JAG2: variants seen among roughly 807,000 people sequenced by gnomAD.
The protein encoded by JAG2 is protein jagged-2.
In JAG2, 46 loss-of-function variants were observed where a neutral mutation model predicts 141.7. The ratio of observed to expected loss-of-function variants is 0.32; its 90% CI spans 0.26 to 0.42. The LOEUF is 0.42. JAG2 is among the 10% of genes least tolerant of loss of function. The pLI is 1.00. For synonymous variants in JAG2, 862 were observed against 763.5 expected (o/e 1.13, Z -2.13); for missense variants, 1,500 against 1,817.5 (o/e 0.83, Z 3.18).
chr14:105,167,714 G>A lies in JAG2; in HGVS notation c.417+43C>T, dbSNP rs1438439243. 2.9e-6 allele frequency: 4 copies of A among 1,393,336 alleles called. No individual in the cohort carries two copies. Among genetic ancestry groups the A allele is most frequent in the African/African-American group, 1.5e-5 (1 of 66,154 alleles). The allele number at this position is 1,393,336 out of a possible 1,614,324, so 86.3% of individuals were successfully genotyped here. A position where few individuals can be genotyped will look rare whatever the true frequency, so the allele number is the denominator to read the frequency against. ...GAAGCGCGCGGGGCCGGGGCGCGGA[G>A]AGAGAGGGAAGGGCTGGAGCACGAG... On this transcript the variant is annotated intron_variant, in intron 2 of 25. Transcript: ENST00000331782. The surrounding 1 kb of genome is among the most constrained non-coding windows in gnomAD (Gnocchi z 4.8).
At chr14:105,151,167 C>A in intron 9 of JAG2, 63 bp from the exon 10 acceptor site, 1 of 1,530,380 alleles carries the variant, frequency 6.5e-7, no homozygotes, top group Non-Finnish European at 8.9e-7. Flanking sequence ...GCAGCACGGG[C>A]ACCTGGCACC....
chr14:105,165,535 T>G (rs975522786), intron 2 of JAG2, among the ~76,000 whole-genome samples: 3 of 152,058 alleles, frequency 2.0e-5, no homozygotes, highest in Non-Finnish European at 2.9e-5. Context: ...GCCCACCCAC[T>G]GAGGGAAGCT....
In JAG2 at chr14:105,148,121, G is replaced by C. The variant is rs1245656148; in HGVS notation, c.2243C>G (p.Ala748Gly). ...AGGCAGCGGGGGCTCCTCACCGACG[G>C]CGCAGGTGCTGCCCTTCCAGCCGGG... Reference protein sequence around the residue: ...CPPGWKGSTCAVAKNSSCLPN... With the variant: ...CPPGWKGSTCGVAKNSSCLPN... The change falls in exon 17 of 26, where the codon GCC becomes GGC. Residue 748 changes from alanine to glycine, a missense_variant. Around this residue, in one of 3 missense-constraint regions of JAG2, gnomAD observed 875 missense variants for 1,202.2 expected, o/e 0.73. Coordinates refer to ENST00000331782, the MANE Select transcript of JAG2 (RefSeq NM_002226.5). The C allele has an allele frequency of 2.6e-6, 4 of 1,547,376 alleles. No homozygotes were observed. The highest frequency in any genetic ancestry group is 3.5e-6 in the Non-Finnish European group (4 of 1,145,402).
Position 105,154,387 on chromosome 14 carries a change from C to T in JAG2, c.788+1175G>A, listed in dbSNP as rs1328529672. Reference sequence around the variant, plus strand: ...TCTCTCGGGCTCCCCAGCTTGCTCACGCACAGTGAGCGCCACGGCTCGAAG... The same window carrying T: ...TCTCTCGGGCTCCCCAGCTTGCTCATGCACAGTGAGCGCCACGGCTCGAAG... On this transcript the variant is annotated intron_variant, in intron 5 of 25. Coordinates refer to ENST00000331782, the MANE Select transcript of JAG2 (RefSeq NM_002226.5). This position sits in a 1 kb window ranked among gnomAD's most constrained non-coding sequence, Gnocchi z 4.4. 6.6e-6 allele frequency among the ~76,000 whole-genome samples: 1 copy of T among 152,146 alleles called. No individual in the cohort carries two copies. Among genetic ancestry groups the T allele is most frequent in the Non-Finnish European group, 1.5e-5 (1 of 68,018 alleles).
At position 105,167,409 on chromosome 14, in the gene JAG2, A is replaced by C. The variant is rs587747909; in HGVS notation, c.417+348T>G. On this transcript the variant is annotated intron_variant, in intron 2 of 25. Coordinates refer to ENST00000331782, the MANE Select transcript of JAG2 (RefSeq NM_002226.5). The surrounding 1 kb of genome is among the most constrained non-coding windows in gnomAD (Gnocchi z 4.8). The stretch of plus-strand genomic sequence containing the variant: ...ACCAGCCCCAGCACGCGCTGCGCAC[A>C]TGCCACCGCGGCCTGCCCGGGACCG... Among the ~76,000 whole-genome samples, 1 of 151,766 alleles carries C rather than the reference A, an allele frequency of 6.6e-6. No individual in the cohort carries two copies. The highest frequency in any genetic ancestry group is 2.4e-5 in the African/African-American group (1 of 41,326).
At chr14:105,146,794 G>T in intron 20 of JAG2, 70 bp from the exon 21 acceptor site, 1 of 1,228,918 alleles carries the variant, frequency 8.1e-7, no homozygotes, top group Non-Finnish European at 1.2e-6. Flanking sequence ...ATGGCCTAGG[G>T]CAGCGGGGAG....
chr14:105,148,419 C>T lies in JAG2; in HGVS notation c.2041G>A (p.Asp681Asn). Residue 681 changes from aspartate to asparagine, a missense_variant, in exon 16 of 26, where the codon GAT becomes AAT. Transcript: ENST00000331782. Reference sequence around the variant, plus strand: ...CAGCGGCCGCGGCTGTGGCAGGGATCGGGAAGGCAGTCGTTGGGATCTGGG... The same window carrying T: ...CAGCGGCCGCGGCTGTGGCAGGGATTGGGAAGGCAGTCGTTGGGATCTGGG... ...CDTNPNDCLP[D>N]PCHSRGRCYD... 4 of 1,611,436 alleles carry T rather than the reference C, an allele frequency of 2.5e-6. No individual in the cohort carries two copies. Among genetic ancestry groups the T allele is most frequent in the East Asian group, 2.2e-5 (1 of 44,838 alleles).
At chr14:105,161,046 T>C (rs1409645740) in intron 2 of JAG2, among the ~76,000 whole-genome samples, 1 of 152,106 alleles carries the variant, frequency 6.6e-6, no homozygotes, top group Non-Finnish European at 1.5e-5. Context: ...ACGGACTTCC[T>C]TCCTGAGGCT....
rs377467988 is a variant in JAG2 at position 105,148,453 on chromosome 14, C to T, written c.2021-14G>A. On this transcript the variant is annotated splice_polypyrimidine_tract_variant and intron_variant, in intron 15 of 25. Transcript: ENST00000331782. ...AGTCGTTGGGATCTGGGGGCGAGGACGCCGGTCAGCGGGCGGGGGGTCACC... is the reference window on the plus strand; with the variant it reads ...AGTCGTTGGGATCTGGGGGCGAGGATGCCGGTCAGCGGGCGGGGGGTCACC... 45 of 1,598,470 alleles carry T rather than the reference C, an allele frequency of 2.8e-5. No individual in the cohort carries two copies. The highest frequency in any genetic ancestry group is 2.3e-4 in the Admixed American group (14 of 59,754).
rs763420218 is a variant in JAG2 at position 105,142,581 on chromosome 14, G to A, written c.*114C>T. 12 of 742,344 alleles carry A rather than the reference G, an allele frequency of 1.6e-5. No homozygotes were observed. Among genetic ancestry groups the A allele is most frequent in the Non-Finnish European group, 2.6e-5 (12 of 459,948 alleles). 46.0% of individuals were successfully genotyped at this position (742,344 alleles called of 1,614,324 possible). Reference sequence around the variant, plus strand: ...AATAAACATTTGGTTTTTGTTTTTGGTGGTTTTTTTACACAAAATAAAGAA... The same window carrying A: ...AATAAACATTTGGTTTTTGTTTTTGATGGTTTTTTTACACAAAATAAAGAA... On this transcript the variant is annotated 3_prime_UTR_variant, in exon 26 of 26. Coordinates refer to ENST00000331782, the MANE Select transcript of JAG2 (RefSeq NM_002226.5).
intron 23 of JAG2, 132 bp from the exon 24 acceptor site, chr14:105,145,193 G>A: frequency 8.0e-7 from 1 of 1,244,212 alleles, no homozygotes; most frequent in Non-Finnish European, 1.1e-6. Context: ...AGGATGCCAA[G>A]GGCCTGGGGG....
Position 105,142,921 on chromosome 14 carries a change from G to A in JAG2, c.3491C>T (p.Ala1164Val), listed in dbSNP as rs587608743. The A allele has an allele frequency of 2.1e-5, 34 of 1,607,952 alleles. No homozygotes were observed. The highest frequency in any genetic ancestry group is 1.2e-4 in the South Asian group (11 of 90,632). The stretch of plus-strand genomic sequence containing the variant: ...CGCGTGGCCGGCCGGCCCGGGCAGC[G>A]CCTCGTCCGCCCTGCGCGGCGGCGG... ...FTPPPRRADEALPGPAGHAAV... is the reference protein window; with the variant it reads ...FTPPPRRADEVLPGPAGHAAV... Residue 1164 changes from alanine to valine, a missense_variant, in exon 26 of 26, where the codon GCG becomes GTG. Transcript: ENST00000331782.
At chr14:105,163,815 G>T in intron 2 of JAG2, among the ~76,000 whole-genome samples, 1 of 148,170 alleles carries the variant, frequency 6.7e-6, no homozygotes, top group African/African-American at 2.5e-5. Flanking sequence ...CTCAGGCCTG[G>T]GGTCTAGGGA....
intron 24 of JAG2, among the ~76,000 whole-genome samples, chr14:105,144,262 T>C (rs1566758803): frequency 7.1e-6 from 1 of 141,608 alleles, no homozygotes. Flanking sequence ...CTCCACCACA[T>C]CCCTGATGGC....
chr14:105,153,434 TCG>T (rs1888495449), intron 5 of JAG2, among the ~76,000 whole-genome samples: 3 of 152,182 alleles, frequency 2.0e-5, no homozygotes, highest in African/African-American at 7.2e-5. Context: ...CCTTGGGTCA[TCG>T]GCCAGAGAGC....
chr14:105,144,504 G>C (rs768894191), intron 24 of JAG2, among the ~76,000 whole-genome samples: 1 of 151,972 alleles, frequency 6.6e-6, no homozygotes, highest in Non-Finnish European at 1.5e-5. Flanking sequence ...TCCCCTCTCC[G>C]GGCATGTCTC....
chr14:105,148,976 T>C lies in JAG2; in HGVS notation c.1867A>G (p.Ile623Val). Residue 623 changes from isoleucine to valine, a missense_variant, in exon 14 of 26, where the codon ATC becomes GTC. By Grantham distance (29) the Ile-to-Val change is conservative. Coordinates refer to ENST00000331782, the MANE Select transcript of JAG2 (RefSeq NM_002226.5). ...VSQPGGNFSC[I>V]CDSGFTGTYC... Reference sequence around the variant, plus strand: ...GTGCCAGTAAAGCCACTGTCACAGATGCAGGAAAAGTTGCCCCCTGGCTGG... The same window carrying C: ...GTGCCAGTAAAGCCACTGTCACAGACGCAGGAAAAGTTGCCCCCTGGCTGG... 1 of 1,607,944 alleles carries C rather than the reference T, an allele frequency of 6.2e-7. No individual in the cohort carries two copies. The highest frequency in any genetic ancestry group is 1.7e-4 in the Middle Eastern group (1 of 6,056).
Position 105,143,025 on chromosome 14 carries a change from G to A in JAG2, c.3387C>T (p.Ala1129=), listed in dbSNP as rs1888109739. 1 of 1,605,986 alleles carries A rather than the reference G, an allele frequency of 6.2e-7. No homozygotes were observed. The highest frequency in any genetic ancestry group is 8.5e-7 in the Non-Finnish European group (1 of 1,179,676). Residue 1129 remains alanine (A), a synonymous_variant, in exon 26 of 26, where the codon GCC becomes GCT. Coordinates refer to ENST00000331782, the MANE Select transcript of JAG2 (RefSeq NM_002226.5). ...PREESANNQW[A]PLNPIRNPIE... Reference sequence around the variant, plus strand: ...TGGGGTTGCGGATGGGGTTGAGCGGGGCCCACTGGTTGTTGGCGCTCTCCT... The same window carrying A: ...TGGGGTTGCGGATGGGGTTGAGCGGAGCCCACTGGTTGTTGGCGCTCTCCT...
rs1888942584 is a variant in JAG2 at position 105,167,245 on chromosome 14, C to T, written c.417+512G>A. On this transcript the variant is annotated intron_variant, in intron 2 of 25. Coordinates refer to ENST00000331782, the MANE Select transcript of JAG2 (RefSeq NM_002226.5). The surrounding 1 kb of genome is among the most constrained non-coding windows in gnomAD (Gnocchi z 4.8). ...TTGGGTCACCATCGGGGGCTTCTGC[C>T]GACATAAGCGTTAGGCGTTAGGCTC... Among the ~76,000 whole-genome samples the T allele has an allele frequency of 6.6e-6, 1 of 152,200 alleles. No individual in the cohort carries two copies. The highest frequency in any genetic ancestry group is 2.1e-4 in the South Asian group (1 of 4,836).
Sources: gnomAD v4.1 joint callset for allele counts (sites outside exome capture counted in the v4.1 genomes callset) on GRCh38, gnomAD v4.1.1 for gene constraint, gnomAD v4.1.1 regional missense constraint, Gnocchi (gnomAD v3.1) non-coding constraint, MANE v1.5 for transcripts, NCBI Gene and HGNC (gene_info 2026-07-23, HGNC 2026-07-21) for gene names.